The following ATP10D variants were observed in gnomAD, a reference collection of about 807,000 sequenced individuals.
The protein encoded by ATP10D is ATPase phospholipid transporting 10D (putative).
A neutral mutation model predicts 144.8 loss-of-function variants in ATP10D; 89 were observed. The observed-to-expected ratio is 0.61, with a 90% CI of 0.52 to 0.73. The LOEUF (loss-of-function observed/expected upper bound fraction) is 0.73. Ranked by LOEUF, ATP10D falls within the 30% of genes least tolerant of loss-of-function variation. The pLI is 0.00. For synonymous variants in ATP10D, 571 were observed against 615.1 expected, an observed-to-expected ratio of 0.93 and a Z score of 1.06; for missense variants, 1,603 against 1,714.8, an observed-to-expected ratio of 0.93 and a Z score of 1.15.
Position 47,587,199 on chromosome 4 carries a change from C to T in ATP10D, c.3934C>T (p.Leu1312=). 1 of 1,612,006 alleles carries T rather than the reference C, an allele frequency of 6.2e-7. No homozygotes were observed. Among genetic ancestry groups the T allele is most frequent in the Non-Finnish European group, 8.5e-7 (1 of 1,178,754 alleles). Residue 1312 remains leucine, a synonymous_variant, in exon 22 of 23, where the codon CTG becomes TTG. Transcript: ENST00000273859. The part of the protein sequence containing the change: ...VCILTTSIAL[L]PRFVYRVLQG... Reference sequence around the variant, plus strand: ...TATCCTCACGACGTCCATTGCTCTTCTGCCCAGGTATGGTATTTATTTTAT... The same window carrying T: ...TATCCTCACGACGTCCATTGCTCTTTTGCCCAGGTATGGTATTTATTTTAT...
Position 47,525,547 on chromosome 4 carries a change from A to C in ATP10D, c.691-10A>C. 2 of 1,598,640 alleles carry C rather than the reference A, an allele frequency of 1.3e-6. No individual in the cohort carries two copies. Among genetic ancestry groups the C allele is most frequent in the South Asian group, 2.2e-5 (2 of 90,516 alleles). The stretch of plus-strand genomic sequence containing the variant: ...GAATTCTTATTTTGTGATTCAAAAA[A>C]TATTTTTAGGACTCTGAAGTTGATC... On this transcript the variant is annotated splice_polypyrimidine_tract_variant and intron_variant, in intron 4 of 22. Transcript: ENST00000273859.
intron 13 of ATP10D, among the ~76,000 whole-genome samples, chr4:47,560,438 C>G (rs774858152): frequency 6.6e-6 from 1 of 151,264 alleles, no homozygotes; most frequent in East Asian, 2.0e-4. Context: ...TGTAGTGAGC[C>G]GAGATCAGGC....
chr4:47,563,825 G>T (rs1332491279), intron 15 of ATP10D, 60 bp downstream of exon 15: 2 of 1,383,040 alleles, frequency 1.4e-6, no homozygotes, highest in Non-Finnish European at 1.9e-6. Context: ...GAACATTTGA[G>T]ATTTGATGTA....
intron 21 of ATP10D, among the ~76,000 whole-genome samples, chr4:47,584,777 T>C (rs940416433): frequency 6.6e-6 from 1 of 152,152 alleles, no homozygotes; most frequent in African/African-American, 2.4e-5. Context: ...AAAAAAGGAA[T>C]TATTGTTTTA....
Position 47,498,866 on chromosome 4 carries a change from G to A in ATP10D, c.-38+13347G>A, listed in dbSNP as rs192162579. Reference sequence around the variant, plus strand: ...AGATTCTGTTTAGAACCACAATCCAGTGTGTTTATCATGTTTTACATACAT... The same window carrying A: ...AGATTCTGTTTAGAACCACAATCCAATGTGTTTATCATGTTTTACATACAT... On this transcript the variant is annotated intron_variant, in intron 1 of 22. Coordinates refer to ENST00000273859, the MANE Select transcript of ATP10D (RefSeq NM_020453.4). Among the ~76,000 whole-genome samples, 3 of 152,304 alleles carry A rather than the reference G, an allele frequency of 2.0e-5. No individual in the cohort carries two copies. In the East Asian group the frequency reaches 5.8e-4, roughly 29 times the overall value.
chr4:47,493,042 T>G (rs1008575502), intron 1 of ATP10D, among the ~76,000 whole-genome samples: 15 of 152,186 alleles, frequency 9.9e-5, no homozygotes, highest in Non-Finnish European at 2.9e-5. Flanking sequence ...TACAAATAAC[T>G]CTACTTTCCT....
chr4:47,558,410 T>C, intron 12 of ATP10D, 137 bp downstream of exon 12: 1 of 1,227,344 alleles, frequency 8.1e-7, no homozygotes, highest in Non-Finnish European at 1.1e-6. Context: ...GGAAGCTGCC[T>C]AGGATTTGAT....
intron 1 of ATP10D, among the ~76,000 whole-genome samples, chr4:47,501,396 G>T (rs1038567986): frequency 6.6e-6 from 1 of 152,164 alleles, no homozygotes; most frequent in Admixed American, 6.5e-5. Flanking sequence ...TGTTTTAAAA[G>T]TAAATAAATG....
At chr4:47,538,704 G>A (rs1282087353) in intron 9 of ATP10D, among the ~76,000 whole-genome samples, 1 of 152,170 alleles carries the variant, frequency 6.6e-6, no homozygotes, top group African/African-American at 2.4e-5. Flanking sequence ...AGAATTCAGT[G>A]TACTGAAGTT....
chr4:47,538,111 T>A (rs1177786776), intron 9 of ATP10D, among the ~76,000 whole-genome samples: 1 of 152,228 alleles, frequency 6.6e-6, no homozygotes, highest in Non-Finnish European at 1.5e-5. Context: ...CACTTTTTAA[T>A]CTGTGTGATT....
Position 47,546,581 on chromosome 4 carries a change from G to T in ATP10D, c.1397-43G>T, listed in dbSNP as rs368561380. ...TGCCTGATATATTCAACTTACAAGT[G>T]GCTCTTCTCAGACATTGACTCAGTG... On this transcript the variant is annotated intron_variant, in intron 9 of 22. Transcript: ENST00000273859. 3.9e-6 allele frequency: 6 copies of T among 1,535,406 alleles called. No individual in the cohort carries two copies. The African/African-American group carries it at 6.8e-5, about 18-fold the overall frequency.
At chr4:47,565,333 T>C (rs755479571) in intron 15 of ATP10D, among the ~76,000 whole-genome samples, 7 of 152,122 alleles carry the variant, frequency 4.6e-5, no homozygotes, top group East Asian at 1.9e-4. Flanking sequence ...AAGGGAAAAA[T>C]AGAGTGGGTT....
rs1311322990 is a variant in ATP10D, at chr4:47,536,568, A to AT, written c.1143+10dup. On this transcript the variant is annotated splice_donor_region_variant and intron_variant, in intron 8 of 22. Coordinates refer to ENST00000273859, the MANE Select transcript of ATP10D (RefSeq NM_020453.4). ...GACCATGATCATTTTGTTACAGGTA[A>AT]TTTTTTATCAAGCTTATGGTAGAAT... 2.5e-6 allele frequency: 4 copies of AT among 1,611,602 alleles called. No individual in the cohort carries two copies. Among genetic ancestry groups the AT allele is most frequent in the Non-Finnish European group, 3.4e-6 (4 of 1,179,162 alleles).
chr4:47,516,490 G>A lies in ATP10D; in HGVS notation c.485+820G>A, dbSNP rs1716695381. Among the ~76,000 whole-genome samples, 3 of 152,160 alleles carry A rather than the reference G, an allele frequency of 2.0e-5. No individual in the cohort carries two copies. In the South Asian group the frequency reaches 6.2e-4, roughly 31 times the overall value. ...AGCTCCTGGGTTTTTATTCTTAGAT[G>A]TAAGTTAATACTTAGTAAACCGTAT... is the stretch of plus-strand genomic sequence containing the variant. On this transcript the variant is annotated intron_variant, in intron 3 of 22. Coordinates refer to ENST00000273859, the MANE Select transcript of ATP10D (RefSeq NM_020453.4).
chr4:47,516,248 A>G (rs962829881), intron 3 of ATP10D, among the ~76,000 whole-genome samples: 17 of 152,022 alleles, frequency 1.1e-4, no homozygotes, highest in African/African-American at 3.6e-4. Context: ...TATCTCAAAA[A>G]AAAAAAAAAA....
At chr4:47,559,795 T>C (rs1383700042) in intron 13 of ATP10D, among the ~76,000 whole-genome samples, 2 of 151,194 alleles carry the variant, frequency 1.3e-5, no homozygotes, top group African/African-American at 2.4e-5. Context: ...AGGTCAGGAG[T>C]TCAAGATCAG....
At chr4:47,502,940 G>A (rs961579903) in intron 1 of ATP10D, among the ~76,000 whole-genome samples, 26 of 152,144 alleles carry the variant, frequency 1.7e-4, no homozygotes, top group Admixed American at 5.9e-4. Context: ...AGTGGCTTAC[G>A]CCTGTAATCC....
chr4:47,530,336 A>G (rs1717498868), intron 5 of ATP10D, among the ~76,000 whole-genome samples: 1 of 152,026 alleles, frequency 6.6e-6, no homozygotes, highest in Non-Finnish European at 1.5e-5. Flanking sequence ...TTTGACACCT[A>G]GTTTGTTGAG....
At chr4:47,573,571 A>G (rs1720076258) in intron 18 of ATP10D, among the ~76,000 whole-genome samples, 1 of 152,240 alleles carries the variant, frequency 6.6e-6, no homozygotes, top group South Asian at 2.1e-4. Context: ...TAATTCCTAA[A>G]AGGGCAGAAT....
Sources: allele counts gnomAD v4.1 joint callset (sites outside exome capture counted in the v4.1 genomes callset), GRCh38; gene constraint gnomAD v4.1.1; transcripts MANE v1.5; gene names NCBI Gene and HGNC (gene_info 2026-07-23, HGNC 2026-07-21).